KIF13A: variants seen among roughly 807,000 people sequenced by gnomAD.
KIF13A encodes kinesin family member 13A.
In KIF13A, 79 loss-of-function variants were observed where a neutral mutation model predicts 212.2. The ratio of observed to expected loss-of-function variants is 0.37; its 90% CI spans 0.31 to 0.45. The LOEUF (loss-of-function observed/expected upper bound fraction) is 0.45. Among genes scored for constraint, KIF13A ranks in the 20% least tolerant of loss-of-function variants. The pLI is 1.00. For missense variants in KIF13A, 1,901 were observed against 2,209.0 expected, an observed-to-expected ratio of 0.86 and a Z score of 2.79; for synonymous variants, 789 against 808.6, an observed-to-expected ratio of 0.98 and a Z score of 0.41.
At chr6:17,885,081 ATC>A (rs1771415813) in intron 3 of KIF13A, among the ~76,000 whole-genome samples, 1 of 151,988 alleles carries the variant, frequency 6.6e-6, no homozygotes, top group African/African-American at 2.4e-5. Context: ...TCTCTTTTTC[ATC>A]TTTCTCCTGA....
At chr6:17,979,217 TG>T (rs1780846368) in intron 2 of KIF13A, among the ~76,000 whole-genome samples, 1 of 152,122 alleles carries the variant, frequency 6.6e-6, no homozygotes, top group South Asian at 2.1e-4. Flanking sequence ...CGATTGAACC[TG>T]GGAGGCAGAG....
chr6:17,780,373 T>C (rs1760454413), intron 31 of KIF13A, among the ~76,000 whole-genome samples: 1 of 152,178 alleles, frequency 6.6e-6, no homozygotes, highest in African/African-American at 2.4e-5. Flanking sequence ...AGCAGTAGGA[T>C]AGGGATTTGT....
At chr6:17,939,323 T>C (rs1488004705) in intron 2 of KIF13A, among the ~76,000 whole-genome samples, 1 of 152,230 alleles carries the variant, frequency 6.6e-6, no homozygotes, top group Non-Finnish European at 1.5e-5. Context: ...AGTGATGATA[T>C]ACTTCATTGT....
intron 38 of KIF13A, among the ~76,000 whole-genome samples, chr6:17,766,774 G>A (rs995954040): frequency 6.6e-6 from 1 of 151,942 alleles, no homozygotes; most frequent in Non-Finnish European, 1.5e-5. Context: ...TATCTTCAAG[G>A]CATGGCAAAT....
In KIF13A at chr6:17,787,453, G is replaced by C. The variant is rs1040727647; in HGVS notation, c.3361+323C>G. On this transcript the variant is annotated intron_variant, in intron 27 of 38. Transcript: ENST00000259711. This position sits in a 1 kb window ranked among gnomAD's most constrained non-coding sequence, Gnocchi z 4.6. The stretch of plus-strand genomic sequence containing the variant: ...GGATCACTTGAGTCCGGGAGTTTGA[G>C]ACCAGCCTGGGCAACAAAGTGAGAC... Among the ~76,000 whole-genome samples the C allele has an allele frequency of 5.9e-5, 9 of 152,072 alleles. No individual in the cohort carries two copies. Among genetic ancestry groups the C allele is most frequent in the African/African-American group, 2.2e-4 (9 of 41,392 alleles).
rs1031389903 is a variant in KIF13A at position 17,912,466 on chromosome 6, C to T, written c.147-14286G>A. The stretch of plus-strand genomic sequence containing the variant: ...TTGAATCAGACACCTATACTTCAAG[C>T]TCCCTGCACTTGGAGCCTGGACTTC... On this transcript the variant is annotated intron_variant, in intron 2 of 38. Coordinates refer to ENST00000259711, the MANE Select transcript of KIF13A (RefSeq NM_022113.6). This position sits in a 1 kb window ranked among gnomAD's most constrained non-coding sequence, Gnocchi z 4.2. Among the ~76,000 whole-genome samples the T allele has an allele frequency of 4.6e-5, 7 of 152,212 alleles. No individual in the cohort carries two copies. Among genetic ancestry groups the T allele is most frequent in the South Asian group, 4.1e-4 (2 of 4,822 alleles).
intron 25 of KIF13A, among the ~76,000 whole-genome samples, chr6:17,790,372 C>A (rs1465067806): frequency 6.6e-6 from 1 of 152,066 alleles, no homozygotes; most frequent in Non-Finnish European, 1.5e-5. Context: ...ACCACTCCAC[C>A]TCAGCCTGGG....
Position 17,763,754 on chromosome 6 carries a change from C to G in KIF13A, c.*356G>C. The G allele has an allele frequency of 1.2e-6, 1 of 805,136 alleles. No homozygotes were observed. Among genetic ancestry groups the G allele is most frequent in the Non-Finnish European group, 1.6e-6 (1 of 644,158 alleles). 49.9% of individuals were successfully genotyped at this position (805,136 alleles called of 1,614,324 possible). On this transcript the variant is annotated 3_prime_UTR_variant, in exon 39 of 39. Coordinates refer to ENST00000259711, the MANE Select transcript of KIF13A (RefSeq NM_022113.6). ...CTTAATGATACATAAAATAATGGTT[C>G]ATATAATAATCAAAGGAATCACAGA...
chr6:17,887,257 A>G (rs540190193), intron 3 of KIF13A, among the ~76,000 whole-genome samples: 17 of 152,278 alleles, frequency 1.1e-4, no homozygotes, highest in Non-Finnish European at 2.1e-4. Flanking sequence ...TTGAAGTCAT[A>G]TGGTATACAG....
chr6:17,902,596 C>T (rs754043041), intron 2 of KIF13A, among the ~76,000 whole-genome samples: 8 of 152,096 alleles, frequency 5.3e-5, no homozygotes, highest in Non-Finnish European at 8.8e-5. Flanking sequence ...TTTGTCTTTC[C>T]ACTCTGCCGG....
In KIF13A at chr6:17,984,914, T is replaced by G. The variant is rs1781413653; in HGVS notation, c.146+2140A>C. ...ACATAGCATGAAGCACTGCTGCAAT[T>G]AATCAACCCAGAGCCCAAGGGAGGA... On this transcript the variant is annotated intron_variant, in intron 2 of 38. Coordinates refer to ENST00000259711, the MANE Select transcript of KIF13A (RefSeq NM_022113.6). The surrounding 1 kb of genome is among the most constrained non-coding windows in gnomAD (Gnocchi z 5.0). Among the ~76,000 whole-genome samples the G allele has an allele frequency of 6.6e-6, 1 of 152,216 alleles. No homozygotes were observed. The highest frequency in any genetic ancestry group is 1.5e-5 in the Non-Finnish European group (1 of 68,044).
rs776177971 is a variant in KIF13A at position 17,771,157 on chromosome 6, C to T, written c.4538G>A (p.Ser1513Asn). ...GCIVPSGSNGSSMPVEHNSKR... is the reference protein window; with the variant it reads ...GCIVPSGSNGNSMPVEHNSKR... ...GCTATTGTGTTCTACTGGCATGCTGCTGCCATTGCTTCCTGAGGGTACAAT... is the reference window on the plus strand; with the variant it reads ...GCTATTGTGTTCTACTGGCATGCTGTTGCCATTGCTTCCTGAGGGTACAAT... The change falls in exon 38 of 39, where the codon AGC (serine) becomes AAC (asparagine). Residue 1513 changes from serine (S) to asparagine (N), a missense_variant. By Grantham distance (46) the Ser-to-Asn change is conservative (BLOSUM62 1). This residue lies in a region of KIF13A where 687 missense variants were observed against 759.1 expected (regional missense o/e 0.90). Transcript: ENST00000259711. The surrounding 1 kb of genome is among the most constrained non-coding windows in gnomAD (Gnocchi z 5.4). 3 of 1,613,384 alleles carry T rather than the reference C, an allele frequency of 1.9e-6. No individual in the cohort carries two copies. The highest frequency in any genetic ancestry group is 2.5e-6 in the Non-Finnish European group (3 of 1,179,606).
At chr6:17,797,872 T>C (rs1056999957) in intron 22 of KIF13A, among the ~76,000 whole-genome samples, 2 of 152,132 alleles carry the variant, frequency 1.3e-5, no homozygotes, top group Non-Finnish European at 2.9e-5. Context: ...CATTCCAGCC[T>C]GGGCAACAGA....
In KIF13A at chr6:17,892,413, C is replaced by T. The variant is rs191564313; in HGVS notation, c.159+5755G>A. Among the ~76,000 whole-genome samples the T allele has an allele frequency of 6.6e-6, 1 of 152,252 alleles. No homozygotes were observed. The highest frequency in any genetic ancestry group is 1.9e-4 in the East Asian group (1 of 5,184). ...GCCTCCCTACTGATCAAGCTTTGTT[C>T]AAAACAGGCAATAGAGACACTGAAG... is the stretch of plus-strand genomic sequence containing the variant. On this transcript the variant is annotated intron_variant, in intron 3 of 38. Coordinates refer to ENST00000259711, the MANE Select transcript of KIF13A (RefSeq NM_022113.6). The surrounding 1 kb of genome is among the most constrained non-coding windows in gnomAD (Gnocchi z 4.7).
chr6:17,969,168 G>A (rs1289149994), intron 2 of KIF13A, among the ~76,000 whole-genome samples: 5 of 152,186 alleles, frequency 3.3e-5, no homozygotes, highest in Admixed American at 2.6e-4. Context: ...AAGACAAGGG[G>A]CTCTGCTCTC....
intron 2 of KIF13A, among the ~76,000 whole-genome samples, chr6:17,929,425 G>C (rs1775796978): frequency 6.9e-6 from 1 of 145,946 alleles, no homozygotes; most frequent in African/African-American, 2.5e-5. Context: ...TTTTGAGACA[G>C]AGTCTCGCTC....
At chr6:17,833,208 T>C (rs1765613346) in intron 12 of KIF13A, among the ~76,000 whole-genome samples, 1 of 151,756 alleles carries the variant, frequency 6.6e-6, no homozygotes, top group Admixed American at 6.6e-5. Flanking sequence ...AAGTGATCTT[T>C]GCTGGGCGAG....
chr6:17,794,544 A>T lies in KIF13A; in HGVS notation c.3075+28T>A, dbSNP rs772310357. The T allele has an allele frequency of 1.3e-6, 2 of 1,541,564 alleles. No individual in the cohort carries two copies. Among genetic ancestry groups the T allele is most frequent in the East Asian group, 2.3e-5 (1 of 44,242 alleles). On this transcript the variant is annotated intron_variant, in intron 24 of 38. Transcript: ENST00000259711. This position sits in a 1 kb window ranked among gnomAD's most constrained non-coding sequence, Gnocchi z 4.1. ...AAGAGTGGAACAGAGAGAAAACATT[A>T]AAAAAAAACCCAAAACAAACTCAGT...
rs557358143 is a variant in KIF13A, at chr6:17,938,045, G to A, written c.147-39865C>T. Among the ~76,000 whole-genome samples the A allele has an allele frequency of 1.5e-4, 20 of 135,144 alleles. No individual in the cohort carries two copies. In the South Asian group the frequency reaches 2.1e-3, roughly 14 times the overall value. The allele number at this position is 135,144 out of a possible 152,430, so 88.7% of individuals were successfully genotyped here. ...TTACAGGCATAAGCCACCGTGCCCC[G>A]CCCTAATTACATAATTTTAAAATTT... On this transcript the variant is annotated intron_variant, in intron 2 of 38. Coordinates refer to ENST00000259711, the MANE Select transcript of KIF13A (RefSeq NM_022113.6).
Sources: allele counts gnomAD v4.1 joint callset (sites outside exome capture counted in the v4.1 genomes callset), GRCh38; gene constraint gnomAD v4.1.1; regional missense constraint gnomAD v4.1.1; non-coding constraint Gnocchi (gnomAD v3.1); transcripts MANE v1.5; gene names NCBI Gene and HGNC (gene_info 2026-07-23, HGNC 2026-07-21).